IRGM: variants seen among roughly 807,000 people sequenced by gnomAD.
The protein encoded by IRGM is immunity related GTPase M.
For synonymous variants in IRGM, 98 were observed against 80.6 expected, an observed-to-expected ratio of 1.22 and a Z score of -1.16; for missense variants, 288 against 219.9, an observed-to-expected ratio of 1.31 and a Z score of -1.96.
intron 3 of IRGM, chr5:150,898,029 A>C (rs778619608): frequency 7.6e-5 from 122 of 1,598,294 alleles, no homozygotes; most frequent in Non-Finnish European, 1.0e-4. Context: ...GGCACCAATC[A>C]ATTAAAAAAA....
At chr5:150,850,452 A>G (rs1158481619), downstream of IRGM, among the ~76,000 whole-genome samples, 1 of 152,232 alleles carries the variant, frequency 6.6e-6, no homozygotes, top group Non-Finnish European at 1.5e-5. Flanking sequence ...ACATAGAGAA[A>G]TAGCTTGTGC....
At chr5:150,871,459 G>C (rs1045644512) in intron 1 of IRGM, among the ~76,000 whole-genome samples, 2 of 152,178 alleles carry the variant, frequency 1.3e-5, no homozygotes, top group African/African-American at 4.8e-5. Context: ...CTTCTCAGCT[G>C]ATCAAACTCT....
intron 3 of IRGM, among the ~76,000 whole-genome samples, chr5:150,887,265 G>T (rs898508889): frequency 6.6e-6 from 1 of 151,922 alleles, no homozygotes; most frequent in Non-Finnish European, 1.5e-5. Flanking sequence ...TGACAGAGCT[G>T]AATAACACAA....
At chr5:150,889,438 C>G (rs1670986519) in intron 3 of IRGM, among the ~76,000 whole-genome samples, 1 of 152,084 alleles carries the variant, frequency 6.6e-6, no homozygotes, top group Non-Finnish European at 1.5e-5. Flanking sequence ...TCAATTACCT[C>G]TCACCAGGTC....
At chr5:150,900,410 A>T (rs78341544) in intron 3 of IRGM, among the ~76,000 whole-genome samples, 12 of 152,170 alleles carry the variant, frequency 7.9e-5, no homozygotes, top group Non-Finnish European at 1.5e-4. Flanking sequence ...AAAGTTCAAT[A>T]ATCATTTAAG....
At chr5:150,888,874 G>T (rs1388239131) in intron 3 of IRGM, among the ~76,000 whole-genome samples, 1 of 152,000 alleles carries the variant, frequency 6.6e-6, no homozygotes, top group Non-Finnish European at 1.5e-5. Flanking sequence ...AATTTGGGGA[G>T]AATTAATATC....
intron 2 of IRGM, chr5:150,879,475 A>G (rs1754412996): frequency 6.6e-6 from 1 of 152,230 alleles, no homozygotes. Flanking sequence ...TCATTCATCC[A>G]TTTAAAAAGT....
At chr5:150,878,303 A>G (rs747129429) in intron 2 of IRGM, among the ~76,000 whole-genome samples, 4 of 152,122 alleles carry the variant, frequency 2.6e-5, no homozygotes, top group Admixed American at 1.3e-4. Flanking sequence ...CTACCTCATG[A>G]GATTGTGGTG....
At chr5:150,867,832 T>G (rs1408222966) in intron 1 of IRGM, among the ~76,000 whole-genome samples, 1 of 147,092 alleles carries the variant, frequency 6.8e-6, no homozygotes, top group Non-Finnish European at 1.5e-5. Flanking sequence ...GATTATTTGT[T>G]TTTTTTTTTT....
chr5:150,877,405 A>T (rs186652249), intron 1 of IRGM, among the ~76,000 whole-genome samples: 22 of 152,258 alleles, frequency 1.4e-4, no homozygotes, highest in African/African-American at 5.1e-4. Context: ...TCTTTCCCTC[A>T]TGCTGAATGC....
intron 1 of IRGM, among the ~76,000 whole-genome samples, chr5:150,871,123 A>G (rs1754277524): frequency 6.6e-6 from 1 of 152,236 alleles, no homozygotes; most frequent in South Asian, 2.1e-4. Flanking sequence ...ACTGAAAGCA[A>G]TGGCTGTCAC....
rs1020331668 is a variant in IRGM at position 150,848,155 on chromosome 5, C to A, written c.32C>A (p.Ala11Glu). 5 of 1,549,310 alleles carry A rather than the reference C, an allele frequency of 3.2e-6. No homozygotes were observed. In the Admixed American group the frequency reaches 5.9e-5, roughly 18 times the overall value. The change falls in exon 2 of 2, where the codon GCA (alanine) becomes GAA (glutamate). Residue 11 changes from alanine to glutamate, a missense_variant. Coordinates refer to ENST00000522154, the MANE Select transcript of IRGM (RefSeq NM_001145805.2). MEAMNVEKAS[A>E]DGNLPEVISN... ...GCCATGAATGTTGAGAAAGCCTCAG[C>A]AGATGGGAACTTGCCAGAGGTGATC...
chr5:150,868,049 T>G (rs1035368611), intron 1 of IRGM, among the ~76,000 whole-genome samples: 7 of 152,158 alleles, frequency 4.6e-5, no homozygotes, highest in African/African-American at 7.2e-5. Context: ...AGTCTTTGCC[T>G]AAGCCAATGT....
rs537807077 is a variant in IRGM at position 150,877,234 on chromosome 5, C to T, written c.159-746C>T. Among the ~76,000 whole-genome samples, 234 of 152,092 alleles carry T rather than the reference C, an allele frequency of 1.5e-3. 2 individuals carry two copies. The highest frequency in any genetic ancestry group is 4.4e-3 in the African/African-American group (183 of 41,482). On this transcript the variant is annotated intron_variant and NMD_transcript_variant, in intron 1 of 3. Transcript: ENST00000520549. The stretch of plus-strand genomic sequence containing the variant: ...GTATTGTTCCTGGGTGTGTCTGTGA[C>T]GGTGTTGTCAAAGGAGATTAACATT...
chr5:150,896,000 T>C, intron 3 of IRGM: 2 of 1,613,564 alleles, frequency 1.2e-6, no homozygotes, highest in Middle Eastern at 1.7e-4. Flanking sequence ...CTTTCCCACA[T>C]TCGGTACACT....
chr5:150,846,967 C>G lies in IRGM; in HGVS notation c.-669C>G, dbSNP rs1185555237. 2.0e-5 allele frequency: 3 copies of G among 152,520 alleles called. No homozygotes were observed. Among genetic ancestry groups the G allele is most frequent in the African/African-American group, 7.2e-5 (3 of 41,456 alleles). The allele number at this position is 152,520 out of a possible 1,614,324, so 9.4% of individuals were successfully genotyped here. A position where few individuals can be genotyped will look rare whatever the true frequency, so the allele number is the denominator to read the frequency against. On this transcript the variant is annotated 5_prime_UTR_variant, in exon 1 of 2. In the 5' UTR this introduces an upstream ATG that the reference lacks. Coordinates refer to ENST00000522154, the MANE Select transcript of IRGM (RefSeq NM_001145805.2). Reference sequence around the variant, plus strand: ...GGAAATCACATCACCTTCTTTTAATCAGTCTCAAATACCTGGCCCCTTGTG... The same window carrying G: ...GGAAATCACATCACCTTCTTTTAATGAGTCTCAAATACCTGGCCCCTTGTG...
At position 150,846,867 on chromosome 5, in the gene IRGM, ACACT is replaced by A. The variant is rs1416190712; in HGVS notation, c.-765_-762del. 5.2e-5 allele frequency: 8 copies of A among 153,844 alleles called. No homozygotes were observed. The highest frequency in any genetic ancestry group is 1.9e-4 in the African/African-American group (8 of 41,604). The allele number at this position is 153,844 out of a possible 1,614,324, so 9.5% of individuals were successfully genotyped here. ...GGACACGCAGCCTTTAAGAATTGTA[ACACT>A]CACCGCGAGGGTCCGTGGCTTCATT... On this transcript the variant is annotated 5_prime_UTR_variant, in exon 1 of 2. Transcript: ENST00000522154.
At chr5:150,880,753 A>G (rs148829654) in intron 3 of IRGM, among the ~76,000 whole-genome samples, 2 of 152,336 alleles carry the variant, frequency 1.3e-5, no homozygotes, top group East Asian at 1.9e-4. Flanking sequence ...AGAGTACCTC[A>G]TGGAAGTTAA....
intron 3 of IRGM, chr5:150,894,779 A>C (rs974906305): frequency 2.0e-5 from 3 of 152,352 alleles, no homozygotes; most frequent in Non-Finnish European, 2.9e-5. Context: ...ATCTGGCCTC[A>C]GTGCCAATGT....
Sources: allele counts gnomAD v4.1 joint callset (sites outside exome capture counted in the v4.1 genomes callset), GRCh38; gene constraint gnomAD v4.1.1; transcripts MANE v1.5; gene names NCBI Gene and HGNC (gene_info 2026-07-23, HGNC 2026-07-21).